Variants in GPR160 observed in about 807,000 individuals in gnomAD.
The protein encoded by GPR160 is G protein-coupled receptor 160.
In GPR160, 2 loss-of-function variants were observed where a neutral mutation model predicts 2.6. The ratio of observed to expected loss-of-function variants is 0.77; its 90% CI spans 0.32 to 2.44. GPR160 has a LOEUF of 2.44. GPR160 is among the 30% of genes most tolerant of loss of function. GPR160 has a pLI of 0.11. For missense variants in GPR160, 351 were observed against 383.6 expected, an observed-to-expected ratio of 0.91 and a Z score of 0.71; for synonymous variants, 130 against 132.2, an observed-to-expected ratio of 0.98 and a Z score of 0.12.
intron 2 of GPR160, among the ~76,000 whole-genome samples, chr3:170,061,131 C>T (rs1711927772): frequency 1.3e-5 from 2 of 151,918 alleles, no homozygotes; most frequent in Admixed American, 6.6e-5. Context: ...AAAAATTAGC[C>T]AGGCGTGGTG....
chr3:170,038,108 C>T lies in GPR160; in HGVS notation c.-429C>T, dbSNP rs1716268281. The T allele has an allele frequency of 6.5e-6, 1 of 152,770 alleles. No homozygotes were observed. Among genetic ancestry groups the T allele is most frequent in the South Asian group, 1.8e-4 (1 of 5,520 alleles). 9.5% of individuals were successfully genotyped at this position (152,770 alleles called of 1,614,324 possible). On this transcript the variant is annotated 5_prime_UTR_variant, in exon 1 of 4. Transcript: ENST00000355897. This position sits in a 1 kb window ranked among gnomAD's most constrained non-coding sequence, Gnocchi z 5.3. ...GGGGCGGGGCGGGGCGGGGCGGGAC[C>T]AGGCGGGCGAGCTGGGCCCTCGCCC...
chr3:170,047,146 G>A (rs1256724214), intron 2 of GPR160, among the ~76,000 whole-genome samples: 1 of 152,130 alleles, frequency 6.6e-6, no homozygotes, highest in Non-Finnish European at 1.5e-5. Context: ...CCCAGGTGCA[G>A]ACCCAAAGCT....
chr3:170,057,541 A>G (rs887135353), intron 2 of GPR160: 1 of 152,236 alleles, frequency 6.6e-6, no homozygotes, highest in African/African-American at 2.4e-5. Flanking sequence ...GTAAATTGGG[A>G]GAATAACTAA....
intron 2 of GPR160, among the ~76,000 whole-genome samples, chr3:170,064,922 G>GTCC (rs925999534): frequency 2.0e-5 from 3 of 152,138 alleles, no homozygotes; most frequent in Admixed American, 6.5e-5. Context: ...ATGAGAGCCT[G>GTCC]TCCTCGCCTT....
intron 2 of GPR160, among the ~76,000 whole-genome samples, chr3:170,064,514 C>CTTTTTTTTTTTT (rs1175382810): frequency 4.9e-4 from 40 of 81,044 alleles, no homozygotes; most frequent in Non-Finnish European, 7.5e-4. Context: ...CTTTTCTTTT[C>CTTTTTTTTTTTT]TTTTTTTTTT....
At chr3:170,041,170 G>A (rs771369338) in intron 2 of GPR160, among the ~76,000 whole-genome samples, 1 of 152,138 alleles carries the variant, frequency 6.6e-6, no homozygotes, top group Non-Finnish European at 1.5e-5. Context: ...TGAATGTAAT[G>A]CCTTTTGATT....
At chr3:170,057,861 G>C (rs1490911829) in intron 2 of GPR160, 1 of 152,262 alleles carries the variant, frequency 6.6e-6, no homozygotes. Flanking sequence ...CCTGGGAAGG[G>C]AGAGAGGAGG....
At chr3:170,062,770 G>A (rs925581370) in intron 2 of GPR160, 10 of 793,088 alleles carry the variant, frequency 1.3e-5, no homozygotes, top group African/African-American at 1.2e-4. Context: ...TCCAGGAAGG[G>A]CAAAGCGGAG....
At chr3:170,077,743 G>C (rs1398679468) in intron 2 of GPR160, 3 of 152,336 alleles carry the variant, frequency 2.0e-5, no homozygotes, top group Non-Finnish European at 4.4e-5. Flanking sequence ...AGCTGTTCGA[G>C]GCTGCTCTCT....
intron 2 of GPR160, among the ~76,000 whole-genome samples, chr3:170,039,763 TG>T (rs1716368856): frequency 6.6e-6 from 1 of 152,224 alleles, no homozygotes; most frequent in Non-Finnish European, 1.5e-5. Context: ...GATTATTTGA[TG>T]GTATCAAGGA....
chr3:170,062,133 G>C (rs1207822704), intron 2 of GPR160: 1 of 152,390 alleles, frequency 6.6e-6, no homozygotes, highest in Admixed American at 6.5e-5. Context: ...CCTGAGGTGG[G>C]TGTGTCGGGC....
At chr3:170,045,443 A>AAAAAAAAAC (rs1559981277) in intron 2 of GPR160, among the ~76,000 whole-genome samples, 9 of 131,472 alleles carry the variant, frequency 6.8e-5, no homozygotes, top group African/African-American at 3.1e-4. Flanking sequence ...AAAAAAAAAA[A>AAAAAAAAAC]AAAACCAATT....
chr3:170,072,013 T>G (rs991137798), intron 2 of GPR160, among the ~76,000 whole-genome samples: 4 of 152,024 alleles, frequency 2.6e-5, no homozygotes, highest in Non-Finnish European at 5.9e-5. Flanking sequence ...ATTTGGGATA[T>G]TTCCACTCTG....
chr3:170,069,143 C>T lies in GPR160; in HGVS notation c.-192-10631C>T, dbSNP rs116640375. 6.4e-3 allele frequency among the ~76,000 whole-genome samples: 978 copies of T among 152,328 alleles called. 10 individuals carry two copies. The highest frequency in any genetic ancestry group is 0.022 in the African/African-American group (930 of 41,574). ...TACCGTCCAAAGATTGTTTTATCTT[C>T]CCCAGAGGGGAAAACCTCATTCTTA... On this transcript the variant is annotated intron_variant, in intron 2 of 3. Transcript: ENST00000355897.
chr3:170,064,514 CTTTTTTTTT>C (rs1175382810), intron 2 of GPR160, among the ~76,000 whole-genome samples: 3 of 81,052 alleles, frequency 3.7e-5, no homozygotes, highest in African/African-American at 1.2e-4. Context: ...CTTTTCTTTT[CTTTTTTTTT>C]TTTTTTTTTT....
At chr3:170,075,524 G>A (rs56761528) in intron 2 of GPR160, among the ~76,000 whole-genome samples, 39,028 of 152,026 alleles carry the variant, frequency 0.26, 5,558 homozygotes, top group East Asian at 0.49. Flanking sequence ...ATTGTGAATC[G>A]CCAGGGGCTT....
At chr3:170,061,909 G>C (rs868253797) in intron 2 of GPR160, among the ~76,000 whole-genome samples, 7 of 152,164 alleles carry the variant, frequency 4.6e-5, no homozygotes, top group Non-Finnish European at 1.0e-4. Context: ...AGCACTTTGG[G>C]AGGCGGAGGT....
At chr3:170,050,984 G>T (rs773322341) in intron 2 of GPR160, among the ~76,000 whole-genome samples, 9 of 152,156 alleles carry the variant, frequency 5.9e-5, no homozygotes, top group Non-Finnish European at 1.0e-4. Context: ...ATTTGTAGGG[G>T]TATAATTGCG....
intron 2 of GPR160, among the ~76,000 whole-genome samples, chr3:170,045,109 G>A (rs1716649384): frequency 6.6e-6 from 1 of 152,060 alleles, no homozygotes. Flanking sequence ...GGAGGAGAAT[G>A]AAAAGAGGAA....
Sources: allele counts gnomAD v4.1 joint callset (sites outside exome capture counted in the v4.1 genomes callset), GRCh38; gene constraint gnomAD v4.1.1; non-coding constraint Gnocchi (gnomAD v3.1); transcripts MANE v1.5; gene names NCBI Gene and HGNC (gene_info 2026-07-23, HGNC 2026-07-21).